ZNF131: variants seen among roughly 807,000 people sequenced by gnomAD.
The protein encoded by ZNF131 is zinc finger protein 131.
ZNF131 carries 7 observed loss-of-function variants against 60.0 expected under a neutral mutation model. The observed-to-expected ratio is 0.12, with a 90% confidence interval of 0.07 to 0.22. The LOEUF (loss-of-function observed/expected upper bound fraction) is 0.22. Ranked by LOEUF, ZNF131 falls within the 10% of genes least tolerant of loss-of-function variation. ZNF131 has a pLI of 1.00. For missense variants in ZNF131, 493 were observed against 740.9 expected (o/e 0.67, Z 3.88); for synonymous variants, 257 against 253.2 (o/e 1.01, Z -0.14).
intron 4 of ZNF131, among the ~76,000 whole-genome samples, chr5:43,142,487 A>C (rs1360000939): frequency 6.6e-6 from 1 of 151,312 alleles, no homozygotes; most frequent in Non-Finnish European, 1.5e-5. Flanking sequence ...TGTATTTTTA[A>C]TAGAGAGGGT....
At chr5:43,130,226 T>C (rs1745122753) in intron 3 of ZNF131, among the ~76,000 whole-genome samples, 1 of 122,266 alleles carries the variant, frequency 8.2e-6, no homozygotes, top group Non-Finnish European at 1.6e-5. Flanking sequence ...ATCAGGCCAC[T>C]GCACTCCAGC....
intron 4 of ZNF131, among the ~76,000 whole-genome samples, chr5:43,158,949 T>A (rs1749301591): frequency 6.6e-6 from 1 of 152,074 alleles, no homozygotes; most frequent in Admixed American, 6.6e-5. Context: ...TGCCACAGTG[T>A]CATGGATGCT....
At chr5:43,125,696 G>T (rs548089412) in intron 3 of ZNF131, among the ~76,000 whole-genome samples, 38 of 151,880 alleles carry the variant, frequency 2.5e-4, no homozygotes, top group Non-Finnish European at 1.0e-4. Flanking sequence ...CAGGAGAATC[G>T]CTTGAACCCG....
intron 5 of ZNF131, among the ~76,000 whole-genome samples, chr5:43,168,479 T>C (rs1750619007): frequency 6.6e-6 from 1 of 152,120 alleles, no homozygotes; most frequent in Non-Finnish European, 1.5e-5. Flanking sequence ...TTGGAAGGGC[T>C]AACCATGTGG....
chr5:43,156,528 A>G (rs1748983599), intron 4 of ZNF131, among the ~76,000 whole-genome samples: 1 of 152,240 alleles, frequency 6.6e-6, no homozygotes, highest in Admixed American at 6.5e-5. Flanking sequence ...CAAGCAGCAC[A>G]GAAGCTGCAC....
intron 4 of ZNF131, among the ~76,000 whole-genome samples, chr5:43,150,074 C>A (rs1036273066): frequency 1.3e-5 from 2 of 152,166 alleles, no homozygotes; most frequent in South Asian, 4.1e-4. Flanking sequence ...CCCTGTCCCC[C>A]TAGTCCCACA....
chr5:43,174,418 T>G, intron 6 of ZNF131, 29 bp from the exon 7 acceptor site: 1 of 1,499,572 alleles, frequency 6.7e-7, no homozygotes, highest in Non-Finnish European at 8.9e-7. Context: ...ATATAAGTAT[T>G]GTCTACATCA....
intron 3 of ZNF131, among the ~76,000 whole-genome samples, chr5:43,134,685 C>CTTTTTTT (rs1745804833): frequency 1.0e-5 from 1 of 98,322 alleles, no homozygotes; most frequent in African/African-American, 3.8e-5. Context: ...AGTTGCTTTT[C>CTTTTTTT]TTTTTTTCTT....
chr5:43,166,995 T>C (rs1388315716), intron 5 of ZNF131, among the ~76,000 whole-genome samples: 1 of 152,166 alleles, frequency 6.6e-6, no homozygotes, highest in African/African-American at 2.4e-5. Flanking sequence ...TAGAGGCTGT[T>C]GTAAGGTTAT....
intron 4 of ZNF131, among the ~76,000 whole-genome samples, chr5:43,146,609 C>CA (rs997423556): frequency 1.3e-5 from 2 of 151,492 alleles, no homozygotes; most frequent in African/African-American, 4.9e-5. Context: ...ACAATAACAA[C>CA]AAAAAACTGT....
Position 43,175,514 on chromosome 5 carries a change from A to G in ZNF131, c.*381A>G. The G allele has an allele frequency of 1.4e-6, 1 of 696,820 alleles. No homozygotes were observed. 43.2% of individuals were successfully genotyped at this position (696,820 alleles called of 1,614,324 possible). On this transcript the variant is annotated 3_prime_UTR_variant, in exon 7 of 7. Coordinates refer to ENST00000682664, the MANE Select transcript of ZNF131 (RefSeq NM_001330707.2). ...AAAATCAAACTTAAATCATTAGAATACAAGTTTATGTATTCTAATGCATGT... is the reference window on the plus strand; with the variant it reads ...AAAATCAAACTTAAATCATTAGAATGCAAGTTTATGTATTCTAATGCATGT...
intron 3 of ZNF131, among the ~76,000 whole-genome samples, chr5:43,136,371 G>A (rs947831806): frequency 2.0e-5 from 3 of 146,512 alleles, no homozygotes; most frequent in Non-Finnish European, 4.5e-5. Context: ...AATTTTTTTT[G>A]TTTTATGGAA....
At chr5:43,172,856 G>A (rs1050490943) in intron 5 of ZNF131, among the ~76,000 whole-genome samples, 3 of 151,730 alleles carry the variant, frequency 2.0e-5, no homozygotes, top group Non-Finnish European at 1.5e-5. Flanking sequence ...TTATTTTCAT[G>A]TATTTCATCT....
At chr5:43,166,749 G>A (rs774635950) in intron 5 of ZNF131, among the ~76,000 whole-genome samples, 2 of 151,958 alleles carry the variant, frequency 1.3e-5, no homozygotes, top group East Asian at 1.9e-4. Flanking sequence ...TCTGCCTCCC[G>A]GGTTCAAGCA....
intron 3 of ZNF131, among the ~76,000 whole-genome samples, chr5:43,131,595 TCATGAAATTCTAATA>T (rs1328030647): frequency 6.6e-6 from 1 of 152,174 alleles, no homozygotes; most frequent in Non-Finnish European, 1.5e-5. Context: ...AGAGGAACGA[TCATGAAATTCTAATA>T]CATTTGAGAA....
In ZNF131 at chr5:43,175,310, C is replaced by G. The variant is rs1277690093; in HGVS notation, c.*177C>G. The G allele has an allele frequency of 5.6e-6, 4 of 708,024 alleles. No individual in the cohort carries two copies. Among genetic ancestry groups the G allele is most frequent in the Non-Finnish European group, 9.6e-6 (4 of 416,774 alleles). 43.9% of individuals were successfully genotyped at this position (708,024 alleles called of 1,614,324 possible). A position where few individuals can be genotyped will look rare whatever the true frequency, so the allele number is the denominator to read the frequency against. On this transcript the variant is annotated 3_prime_UTR_variant, in exon 7 of 7. Coordinates refer to ENST00000682664, the MANE Select transcript of ZNF131 (RefSeq NM_001330707.2). ...ATTCCCCTCCCCCTACTTATTGCCA[C>G]AGAGGAGGGATCTTTTCCATAACTG...
At position 43,141,734 on chromosome 5, in the gene ZNF131, C is replaced by T. The variant is rs1190801391; in HGVS notation, c.371+2425C>T. On this transcript the variant is annotated intron_variant, in intron 4 of 6. Coordinates refer to ENST00000682664, the MANE Select transcript of ZNF131 (RefSeq NM_001330707.2). ...GCAGTGAGCCGAGATTGCACCACTG[C>T]ACTCCAGCCTGGGTGAGAATGAGAC... 2.7e-5 allele frequency among the ~76,000 whole-genome samples: 4 copies of T among 150,524 alleles called. No homozygotes were observed. In the South Asian group the frequency reaches 8.5e-4, roughly 32 times the overall value.
At chr5:43,122,268 TTA>T (rs1743959746) in intron 2 of ZNF131, 91 bp downstream of exon 2, 1 of 1,206,742 alleles carries the variant, frequency 8.3e-7, no homozygotes, top group Non-Finnish European at 1.1e-6. Flanking sequence ...TTTTTTTTTT[TTA>T]ACCCATCCTC....
chr5:43,159,336 T>C (rs2111898140), intron 4 of ZNF131, among the ~76,000 whole-genome samples: 1 of 152,222 alleles, frequency 6.6e-6, no homozygotes, highest in South Asian at 2.1e-4. Flanking sequence ...GAGAATTGTC[T>C]CCCAACAGGT....
Sources: allele counts gnomAD v4.1 joint callset (sites outside exome capture counted in the v4.1 genomes callset), GRCh38; gene constraint gnomAD v4.1.1; transcripts MANE v1.5; gene names NCBI Gene and HGNC (gene_info 2026-07-23, HGNC 2026-07-21).